The following TPST1 variants were observed in gnomAD, a reference collection of about 807,000 sequenced individuals.
TPST1 encodes the protein tyrosylprotein sulfotransferase 1, also known as protein-tyrosine sulfotransferase 1.
TPST1 carries 20 observed loss-of-function variants against 34.8 expected under a neutral mutation model. The ratio of observed to expected loss-of-function variants is 0.57; its 90% CI spans 0.40 to 0.84. The LOEUF (loss-of-function observed/expected upper bound fraction) is 0.84. Among genes scored for constraint, TPST1 ranks in the 40% least tolerant of loss-of-function variants. The probability of loss-of-function intolerance (pLI) is 0.00; values close to 1 mark genes in which losing one functional copy is unlikely to be tolerated. For synonymous variants in TPST1, 152 were observed against 159.4 expected (o/e 0.95, Z 0.35); for missense variants, 353 against 455.5 (o/e 0.78, Z 2.05).
intron 5 of TPST1, among the ~76,000 whole-genome samples, chr7:66,357,748 TG>T (rs1412652546): frequency 6.6e-6 from 1 of 152,232 alleles, no homozygotes; most frequent in Non-Finnish European, 1.5e-5. Context: ...CCAAATGATG[TG>T]GCAAAGCCTT....
intron 2 of TPST1, among the ~76,000 whole-genome samples, chr7:66,284,380 C>T (rs562393521): frequency 1.3e-5 from 2 of 151,870 alleles, no homozygotes; most frequent in East Asian, 3.9e-4. Flanking sequence ...TTGTTCTCTA[C>T]ATGTCAAACA....
intron 3 of TPST1, among the ~76,000 whole-genome samples, chr7:66,330,686 A>C (rs1286708046): frequency 5.9e-5 from 9 of 152,040 alleles, no homozygotes; most frequent in African/African-American, 2.2e-4. Flanking sequence ...ACAATCTAAA[A>C]TCTACCAACT....
chr7:66,204,214 C>T (rs797021519), upstream of TPST1, among the ~76,000 whole-genome samples: 6 of 151,890 alleles, frequency 4.0e-5, no homozygotes, highest in African/African-American at 7.3e-5. Context: ...GACTATTATT[C>T]GGCCGTAACA....
At chr7:66,327,000 G>C (rs1306486505) in intron 3 of TPST1, among the ~76,000 whole-genome samples, 2 of 152,182 alleles carry the variant, frequency 1.3e-5, no homozygotes, top group East Asian at 3.8e-4. Context: ...GTTATCAGCT[G>C]TTTTACAGTA....
intron 3 of TPST1, among the ~76,000 whole-genome samples, chr7:66,350,037 T>G (rs765576826): frequency 6.6e-6 from 1 of 151,932 alleles, no homozygotes; most frequent in African/African-American, 2.4e-5. Flanking sequence ...TTTTTCGAGA[T>G]GGAGTTTCGC....
At chr7:66,206,766 A>G (rs1173515082) in intron 1 of TPST1, among the ~76,000 whole-genome samples, 2 of 152,124 alleles carry the variant, frequency 1.3e-5, no homozygotes, top group Non-Finnish European at 2.9e-5. Flanking sequence ...GTGTTTATCT[A>G]TTAGCTGGAT....
intron 2 of TPST1, among the ~76,000 whole-genome samples, chr7:66,248,499 T>C (rs891859004): frequency 7.2e-6 from 1 of 139,840 alleles, no homozygotes; most frequent in Non-Finnish European, 1.5e-5. Context: ...TAAAAACATT[T>C]AGTGTTTTTT....
chr7:66,243,103 C>T (rs1271981402), intron 2 of TPST1, among the ~76,000 whole-genome samples: 1 of 151,766 alleles, frequency 6.6e-6, no homozygotes, highest in Admixed American at 6.6e-5. Context: ...GCATTCATTT[C>T]TTTTAGGTAT....
At position 66,295,482 on chromosome 7, in the gene TPST1, G is replaced by A. The variant is rs190745212; in HGVS notation, c.1044+8773G>A. ...TGCACTCCAGCCTGGGTGATGGAGC[G>A]AGATCCTGTCTCAAGAAAACAAAAA... On this transcript the variant is annotated intron_variant, in intron 3 of 5. Transcript: ENST00000304842. Among the ~76,000 whole-genome samples the A allele has an allele frequency of 1.9e-3, 290 of 152,244 alleles. 1 individual carries two copies. Among genetic ancestry groups the A allele is most frequent in the South Asian group, 8.3e-3 (40 of 4,826 alleles).
chr7:66,319,277 G>A (rs1791700296), intron 3 of TPST1, among the ~76,000 whole-genome samples: 1 of 151,968 alleles, frequency 6.6e-6, no homozygotes, highest in Non-Finnish European at 1.5e-5. Flanking sequence ...ACCTCTATCT[G>A]CTAGATAATT....
intron 1 of TPST1, among the ~76,000 whole-genome samples, chr7:66,230,673 G>T (rs944348774): frequency 2.0e-5 from 3 of 152,158 alleles, no homozygotes; most frequent in Non-Finnish European, 2.9e-5. Context: ...CCCAAAGAGT[G>T]AGCAGTAGCA....
intron 3 of TPST1, among the ~76,000 whole-genome samples, chr7:66,299,519 C>G (rs1188086329): frequency 6.6e-6 from 1 of 151,748 alleles, no homozygotes; most frequent in Non-Finnish European, 1.5e-5. Flanking sequence ...AGATTTTTCC[C>G]TATTTTTGGT....
At chr7:66,281,030 A>C (rs1385897417) in intron 2 of TPST1, among the ~76,000 whole-genome samples, 1 of 152,158 alleles carries the variant, frequency 6.6e-6, no homozygotes, top group African/African-American at 2.4e-5. Flanking sequence ...GAGAGTTTTT[A>C]ACATGAAGGG....
intron 2 of TPST1, among the ~76,000 whole-genome samples, chr7:66,269,157 A>C (rs1790648846): frequency 6.6e-6 from 1 of 152,200 alleles, no homozygotes; most frequent in South Asian, 2.1e-4. Flanking sequence ...AAAGGAAGAG[A>C]TGATACACAA....
At chr7:66,216,766 C>A (rs1183002563) in intron 1 of TPST1, among the ~76,000 whole-genome samples, 1 of 152,170 alleles carries the variant, frequency 6.6e-6, no homozygotes, top group African/African-American at 2.4e-5. Context: ...TTGCACCCAG[C>A]CCTGTTTGCT....
chr7:66,286,793 G>A, intron 3 of TPST1, 84 bp downstream of exon 3: 1 of 883,220 alleles, frequency 1.1e-6, no homozygotes, highest in Non-Finnish European at 1.5e-6. Context: ...TTTATTTCTT[G>A]CTATTTAATG....
At chr7:66,324,830 A>C (rs13226888) in intron 3 of TPST1, among the ~76,000 whole-genome samples, 1 of 144,450 alleles carries the variant, frequency 6.9e-6, no homozygotes, top group Non-Finnish European at 1.5e-5. Context: ...AAAAAAAAAA[A>C]CAAGACAAAA....
At chr7:66,234,917 C>T (rs778407919) in intron 1 of TPST1, among the ~76,000 whole-genome samples, 25 of 152,132 alleles carry the variant, frequency 1.6e-4, no homozygotes, top group Admixed American at 8.5e-4. Context: ...TCATGATCTG[C>T]CCACCTTGGC....
chr7:66,308,591 A>C (rs1409862055), intron 3 of TPST1, among the ~76,000 whole-genome samples: 2 of 152,100 alleles, frequency 1.3e-5, no homozygotes, highest in Non-Finnish European at 2.9e-5. Context: ...AAGTATAGCC[A>C]TGTGCCCATT....
Sources: allele counts gnomAD v4.1 joint callset (sites outside exome capture counted in the v4.1 genomes callset), GRCh38; gene constraint gnomAD v4.1.1; transcripts MANE v1.5; gene names NCBI Gene and HGNC (gene_info 2026-07-23, HGNC 2026-07-21).